ITGAM: variants seen among roughly 807,000 people sequenced by gnomAD.
ITGAM encodes integrin subunit alpha M, also known as integrin alpha-M.
In ITGAM, 79 loss-of-function variants were observed where a neutral mutation model predicts 137.5. The observed-to-expected ratio is 0.57, with a 90% CI of 0.48 to 0.69. ITGAM has a LOEUF of 0.69. ITGAM is among the 30% of genes least tolerant of loss of function. ITGAM has a pLI of 0.00. For synonymous variants in ITGAM, 583 were observed against 592.3 expected (o/e 0.98, Z 0.23); for missense variants, 1,343 against 1,483.5 (o/e 0.91, Z 1.56).
intron 12 of ITGAM, among the ~76,000 whole-genome samples, chr16:31,284,316 C>T (rs1283595348): frequency 6.6e-6 from 1 of 152,202 alleles, no homozygotes; most frequent in Non-Finnish European, 1.5e-5. Flanking sequence ...CTATGCCTTG[C>T]CCCCAGAGGT....
chr16:31,329,242 C>G lies in ITGAM; in HGVS notation c.2807C>G (p.Thr936Ser), dbSNP rs2080549228. Residue 936 changes from threonine (T) to serine (S), a missense_variant, in exon 24 of 30, where the codon ACT (threonine) becomes AGT (serine). Physicochemically the swap from Thr to Ser is moderately conservative, Grantham distance 58. Transcript: ENST00000544665. ...YMVVTSHGVS[T>S]KYLNFTASEN... is the part of the protein sequence containing the mutation. ...TCTCCCTTCAGCCATGGGGTCTCCA[C>G]TAAATATCTCAACTTCACGGCCTCA... is the stretch of plus-strand genomic sequence containing the variant. 2 of 1,612,444 alleles carry G rather than the reference C, an allele frequency of 1.2e-6. No individual in the cohort carries two copies. The highest frequency in any genetic ancestry group is 1.3e-5 in the African/African-American group (1 of 74,974).
intron 2 of ITGAM, among the ~76,000 whole-genome samples, chr16:31,262,392 CTTCCTTCCTTCA>C (rs1567244029): frequency 1.6e-5 from 2 of 124,278 alleles, no homozygotes; most frequent in South Asian, 2.5e-4. Flanking sequence ...TCCTTCCTTC[CTTCCTTCCTTCA>C]TTTCTTTCTT....
chr16:31,289,776 G>C (rs1407570909), intron 12 of ITGAM, among the ~76,000 whole-genome samples: 3 of 152,052 alleles, frequency 2.0e-5, no homozygotes, highest in Non-Finnish European at 4.4e-5. Flanking sequence ...ATTTCCGATT[G>C]TTTAGGGATA....
chr16:31,310,356 T>C (rs977805781), intron 14 of ITGAM, among the ~76,000 whole-genome samples: 3 of 151,870 alleles, frequency 2.0e-5, no homozygotes, highest in African/African-American at 7.2e-5. Context: ...TTTGGTCTTT[T>C]CACATAGTCC....
In ITGAM at chr16:31,277,953, A is replaced by AC. The variant is rs748500415; in HGVS notation, c.1214-9dup. ...GCAGGGAATGCACTTCACCTCTCAG[A>AC]CCCCCACCTTCAGGTTATGCTGCCG... On this transcript the variant is annotated splice_polypyrimidine_tract_variant and intron_variant, in intron 11 of 29. Coordinates refer to ENST00000544665, the MANE Select transcript of ITGAM (RefSeq NM_000632.4). 4 of 1,578,824 alleles carry AC rather than the reference A, an allele frequency of 2.5e-6. No homozygotes were observed. Among genetic ancestry groups the AC allele is most frequent in the South Asian group, 1.2e-5 (1 of 86,218 alleles).
intron 14 of ITGAM, among the ~76,000 whole-genome samples, chr16:31,306,288 C>T (rs1043398809): frequency 1.3e-5 from 2 of 152,056 alleles, no homozygotes; most frequent in African/African-American, 4.8e-5. Context: ...TTTAGCTCCT[C>T]CTCCATCATT....
chr16:31,277,011 T>C lies in ITGAM; in HGVS notation c.1175T>C (p.Met392Thr), dbSNP rs765226856. Reference sequence around the variant, plus strand: ...AAGGAGAAAAGCACCTTCATCAACATGACCAGAGTGGATTCAGACATGAAT... The same window carrying C: ...AAGGAGAAAAGCACCTTCATCAACACGACCAGAGTGGATTCAGACATGAAT... ...TSKEKSTFIN[M>T]TRVDSDMNDA... is the part of the protein sequence containing the mutation. The change falls in exon 11 of 30, where the codon ATG (methionine) becomes ACG (threonine). Residue 392 changes from methionine to threonine, a missense_variant. Met to Thr is a moderately conservative substitution (Grantham distance 81, BLOSUM62 -1). Coordinates refer to ENST00000544665, the MANE Select transcript of ITGAM (RefSeq NM_000632.4). 6.2e-7 allele frequency: 1 copy of C among 1,613,144 alleles called. No individual in the cohort carries two copies. The highest frequency in any genetic ancestry group is 1.7e-5 in the Admixed American group (1 of 59,834).
intron 7 of ITGAM, among the ~76,000 whole-genome samples, chr16:31,272,473 T>A (rs1253049000): frequency 2.6e-3 from 54 of 20,780 alleles, no homozygotes; most frequent in Non-Finnish European, 3.3e-3. Flanking sequence ...ATTTTTTTTT[T>A]TTTTTTTTTT....
rs1416069790 is a variant in ITGAM at position 31,330,409 on chromosome 16, C to T, written c.3162C>T (p.Asp1054=). 3 of 1,613,098 alleles carry T rather than the reference C, an allele frequency of 1.9e-6. No individual in the cohort carries two copies. The highest frequency in any genetic ancestry group is 2.7e-5 in the African/African-American group (2 of 74,920). ...CCCTCAAAGGCAACCTCTCGTTTGA[C>T]TGGTACATCAAGGTGTGTGGGGTCC... The part of the protein sequence containing the change: ...NATLKGNLSF[D]WYIKTSHNHL... The change falls in exon 27 of 30, where the codon GAC becomes GAT. Residue 1054 remains aspartate (D), a synonymous_variant. Coordinates refer to ENST00000544665, the MANE Select transcript of ITGAM (RefSeq NM_000632.4).
chr16:31,266,190 C>T (rs761272793), intron 5 of ITGAM, 43 bp downstream of exon 5: 2 of 1,378,948 alleles, frequency 1.5e-6, no homozygotes, highest in Non-Finnish European at 2.1e-6. Context: ...CAGCAAAAGA[C>T]CAGGGGAGGG....
intron 23 of ITGAM, 155 bp from the exon 24 acceptor site, chr16:31,329,073 T>TTCCCCCCCCCCCCCCCCCCCCCCC: frequency 9.4e-6 from 4 of 426,236 alleles, no homozygotes; most frequent in South Asian, 2.1e-5. Flanking sequence ...ACACATTGGT[T>TTCCCCCCCCCCCCCCCCCCCCCCC]CCCCCATCCC....
rs558845660 is a variant in ITGAM at position 31,278,051 on chromosome 16, C to T, written c.1298C>T (p.Ala433Val). ...APRYQHIGLVAMFRQNTGMWE... is the reference protein window; with the variant it reads ...APRYQHIGLVVMFRQNTGMWE... ...CGATATCAGCACATCGGCCTGGTAG[C>T]GATGTTCAGGCAGAACACTGGCATG... Residue 433 changes from alanine (A) to valine (V), a missense_variant, in exon 12 of 30, where the codon GCG becomes GTG. By Grantham distance (64) the Ala-to-Val change is moderately conservative. Transcript: ENST00000544665. The T allele has an allele frequency of 3.6e-5, 58 of 1,608,004 alleles. 1 individual carries two copies. The highest frequency in any genetic ancestry group is 2.7e-4 in the South Asian group (24 of 89,784).
At chr16:31,275,926 T>C (rs2079901699) in intron 9 of ITGAM, among the ~76,000 whole-genome samples, 3 of 152,146 alleles carry the variant, frequency 2.0e-5, no homozygotes, top group Admixed American at 1.3e-4. Context: ...GGCTGGTAAA[T>C]TGGAGTATGG....
chr16:31,282,201 T>C (rs1397396874), intron 12 of ITGAM, among the ~76,000 whole-genome samples: 1 of 152,180 alleles, frequency 6.6e-6, no homozygotes, highest in Non-Finnish European at 1.5e-5. Context: ...TTCTGTTGAT[T>C]TGGGGTGGAG....
At chr16:31,279,141 T>C (rs140852728) in intron 12 of ITGAM, among the ~76,000 whole-genome samples, 4,925 of 152,304 alleles carry the variant, frequency 0.032, 294 homozygotes, top group African/African-American at 0.11. Context: ...CTATCGTTGA[T>C]GGACATTTGG....
chr16:31,296,789 T>A (rs926255424), intron 12 of ITGAM, among the ~76,000 whole-genome samples: 2 of 152,212 alleles, frequency 1.3e-5, no homozygotes, highest in Non-Finnish European at 2.9e-5. Flanking sequence ...AACACTTGTT[T>A]GTTGAATGAA....
At position 31,275,696 on chromosome 16, in the gene ITGAM, G is replaced by T; in HGVS notation, c.1006G>T (p.Glu336Ter). The T allele has an allele frequency of 1.2e-6, 2 of 1,613,698 alleles. No homozygotes were observed. The highest frequency in any genetic ancestry group is 1.7e-6 in the Non-Finnish European group (2 of 1,179,776). Residue 336 changes from glutamate (E) to a stop codon, truncating the protein, a stop_gained, in exon 9 of 30, where the codon GAG (glutamate) becomes TAG (stop). Coordinates refer to ENST00000544665, the MANE Select transcript of ITGAM (RefSeq NM_000632.4). LOFTEE classifies it high-confidence loss of function. Reference sequence around the variant, plus strand: ...GCTTCGGGAGAAGATCTTTGCGATCGAGGGTGAGTCAGGCATCTGTGTTCC... The same window carrying T: ...GCTTCGGGAGAAGATCTTTGCGATCTAGGGTGAGTCAGGCATCTGTGTTCC... Reference protein sequence around the residue: ...NQLREKIFAIEGTQTGSSSSF... With the variant: ...NQLREKIFAI
intron 16 of ITGAM, among the ~76,000 whole-genome samples, chr16:31,322,827 T>C (rs2080463936): frequency 6.6e-6 from 1 of 152,114 alleles, no homozygotes; most frequent in South Asian, 2.1e-4. Flanking sequence ...TCGCACTGAC[T>C]GAAATGAAGA....
rs139794961 is a variant in ITGAM at position 31,286,972 on chromosome 16, G to A, written c.1356+8863G>A. On this transcript the variant is annotated intron_variant, in intron 12 of 29. Transcript: ENST00000544665. ...TTTTCTTCAATGATTTTAATAGTTC[G>A]AGGGCTCACATTTAAATCTTTAATC... Among the ~76,000 whole-genome samples, 17 of 152,102 alleles carry A rather than the reference G, an allele frequency of 1.1e-4. No homozygotes were observed. In the East Asian group the frequency reaches 1.2e-3, roughly 10 times the overall value.
Sources: allele counts gnomAD v4.1 joint callset (sites outside exome capture counted in the v4.1 genomes callset), GRCh38; gene constraint gnomAD v4.1.1; transcripts MANE v1.5; gene names NCBI Gene and HGNC (gene_info 2026-07-23, HGNC 2026-07-21).